The following DNAH14 variants were observed in gnomAD, a reference collection of about 807,000 sequenced individuals.
DNAH14 encodes axonemal beta dynein heavy chain 14.
In DNAH14, 478 loss-of-function variants were observed where a neutral mutation model predicts 520.9. The observed-to-expected ratio is 0.92, with a 90% CI of 0.85 to 0.99. DNAH14 has a LOEUF of 0.99. Ranked by LOEUF, DNAH14 falls within the 50% of genes least tolerant of loss-of-function variation. The pLI is 0.00. For synonymous variants in DNAH14, 1,581 were observed against 1,757.2 expected (o/e 0.90, Z 2.51); for missense variants, 4,831 against 5,234.5 (o/e 0.92, Z 2.38).
Position 225,192,837 on chromosome 1 carries a change from T to G in DNAH14, c.5812T>G (p.Tyr1938Asp). The G allele has an allele frequency of 6.5e-7, 1 of 1,550,248 alleles. No homozygotes were observed. The highest frequency in any genetic ancestry group is 1.2e-5 in the South Asian group (1 of 84,020). The stretch of plus-strand genomic sequence containing the variant: ...ATCAGCAACAATTCGAAGTTATGTA[T>G]ATTTTAACACACCAAAGAACACAAA... ...LLSATIRSYV[Y>D]FNTPKNTKKD... is the part of the protein sequence containing the mutation. The change falls in exon 38 of 86, where the codon TAT becomes GAT. Residue 1938 changes from tyrosine (Y) to aspartate (D), a missense_variant. Transcript: ENST00000682510.
At chr1:225,027,800 A>T (rs2066236883) in intron 11 of DNAH14, among the ~76,000 whole-genome samples, 1 of 152,134 alleles carries the variant, frequency 6.6e-6, no homozygotes, top group South Asian at 2.1e-4. Flanking sequence ...ACACAAATCC[A>T]AACCATATCA....
intron 35 of DNAH14, among the ~76,000 whole-genome samples, chr1:225,163,464 T>C (rs1374957346): frequency 6.6e-6 from 1 of 152,222 alleles, no homozygotes; most frequent in Non-Finnish European, 1.5e-5. Context: ...TTTCTGTTTT[T>C]CCCAATTTAG....
At chr1:225,142,949 TTTA>T (rs2079585058) in intron 28 of DNAH14, among the ~76,000 whole-genome samples, 1 of 152,100 alleles carries the variant, frequency 6.6e-6, no homozygotes, top group African/African-American at 2.4e-5. Context: ...AATTTAATTT[TTTA>T]AAAAAATTAA....
chr1:225,264,407 C>T, intron 47 of DNAH14, 146 bp downstream of exon 47: 3 of 733,738 alleles, frequency 4.1e-6, no homozygotes, highest in Middle Eastern at 3.8e-4. Context: ...ATCCCACACC[C>T]TCTCAAACTG....
chr1:225,059,682 G>A (rs2069734668), intron 17 of DNAH14, among the ~76,000 whole-genome samples: 1 of 152,154 alleles, frequency 6.6e-6, no homozygotes, highest in Non-Finnish European at 1.5e-5. Context: ...TCCTTTCCAT[G>A]TTTAGTGCTT....
intron 66 of DNAH14, among the ~76,000 whole-genome samples, chr1:225,335,686 CATAT>C (rs1285042901): frequency 1.2e-5 from 1 of 86,478 alleles, no homozygotes; most frequent in Non-Finnish European, 2.3e-5. Flanking sequence ...TGTATATACG[CATAT>C]ATACATATGT....
At chr1:225,185,579 A>C (rs552097660) in intron 37 of DNAH14, among the ~76,000 whole-genome samples, 154 bp downstream of exon 37, 13 of 152,142 alleles carry the variant, frequency 8.5e-5, no homozygotes, top group Non-Finnish European at 1.5e-4. Flanking sequence ...TGGGATTTTT[A>C]ACTTAAATCT....
At chr1:225,010,749 A>G (rs1184869309) in intron 10 of DNAH14, among the ~76,000 whole-genome samples, 1 of 152,086 alleles carries the variant, frequency 6.6e-6, no homozygotes, top group African/African-American at 2.4e-5. Context: ...TTGGTAGGCT[A>G]TTAATTACTG....
At chr1:225,304,787 C>T in intron 57 of DNAH14, 121 bp from the exon 58 acceptor site, 1 of 975,010 alleles carries the variant, frequency 1.0e-6, no homozygotes, top group South Asian at 2.0e-5. Context: ...CGGGAGCTCT[C>T]TCTACATCTC....
At chr1:225,085,034 G>A (rs1362509268) in intron 20 of DNAH14, among the ~76,000 whole-genome samples, 1 of 152,048 alleles carries the variant, frequency 6.6e-6, no homozygotes, top group Non-Finnish European at 1.5e-5. Flanking sequence ...AAGCATATAA[G>A]AGAAATGATG....
chr1:225,247,600 A>C (rs1007504525), intron 43 of DNAH14, among the ~76,000 whole-genome samples: 11 of 152,214 alleles, frequency 7.2e-5, no homozygotes, highest in African/African-American at 2.7e-4. Flanking sequence ...ATAATATCAG[A>C]GAATTTGCCA....
chr1:225,249,049 C>G (rs545889420), intron 43 of DNAH14, among the ~76,000 whole-genome samples: 2 of 152,158 alleles, frequency 1.3e-5, no homozygotes, highest in Non-Finnish European at 2.9e-5. Flanking sequence ...AATTTCCTGA[C>G]CTGTAAAATA....
intron 28 of DNAH14, 41 bp downstream of exon 28, chr1:225,141,062 C>T (rs1183868502): frequency 1.4e-6 from 2 of 1,454,604 alleles, no homozygotes; most frequent in South Asian, 1.4e-5. Context: ...ATAACTTCTC[C>T]CAAATATATC....
chr1:225,021,588 G>T (rs2065698961), intron 10 of DNAH14, among the ~76,000 whole-genome samples: 1 of 152,134 alleles, frequency 6.6e-6, no homozygotes, highest in Non-Finnish European at 1.5e-5. Context: ...GGTGGTGATA[G>T]ATATGTACAA....
In DNAH14 at chr1:225,300,894, A is replaced by G; in HGVS notation, c.8495A>G (p.Tyr2832Cys). The change falls in exon 56 of 86, where the codon TAC (tyrosine) becomes TGC (cysteine). Residue 2832 changes from tyrosine to cysteine, a missense_variant. Tyr to Cys is a radical substitution (Grantham distance 194, BLOSUM62 -2). Transcript: ENST00000682510. ...GACTCATTTTTAGAAGATTTGAACT[A>G]CATCATCAGTTCAGGAAGAATACCT... ...EQDSFLEDLN[Y>C]IISSGRIPDL... 3.9e-6 allele frequency: 6 copies of G among 1,550,720 alleles called. No homozygotes were observed. The highest frequency in any genetic ancestry group is 2.4e-5 in the East Asian group (1 of 40,872).
intron 8 of DNAH14, among the ~76,000 whole-genome samples, chr1:224,999,272 T>C (rs2063593693): frequency 1.3e-5 from 2 of 152,114 alleles, no homozygotes; most frequent in South Asian, 4.1e-4. Context: ...AATGGCAAGA[T>C]CTCAACTCAC....
chr1:224,975,291 A>C (rs890415897), intron 8 of DNAH14, among the ~76,000 whole-genome samples: 2 of 152,190 alleles, frequency 1.3e-5, no homozygotes, highest in African/African-American at 4.8e-5. Context: ...GAATAGTTTC[A>C]GAAGGAATAG....
intron 6 of DNAH14, chr1:224,967,810 T>G: frequency 7.3e-7 from 1 of 1,377,606 alleles, no homozygotes; most frequent in Non-Finnish European, 9.4e-7. Context: ...TTTTTTCATC[T>G]ATCAAATACT....
chr1:225,345,185 T>C (rs570264707), intron 69 of DNAH14, among the ~76,000 whole-genome samples: 1 of 152,330 alleles, frequency 6.6e-6, no homozygotes, highest in Non-Finnish European at 1.5e-5. Flanking sequence ...GACTGTGGTA[T>C]ATACTAATTT....
Sources: allele counts gnomAD v4.1 joint callset (sites outside exome capture counted in the v4.1 genomes callset), GRCh38; gene constraint gnomAD v4.1.1; transcripts MANE v1.5; gene names NCBI Gene and HGNC (gene_info 2026-07-23, HGNC 2026-07-21).